TENM2: variants seen among roughly 807,000 people sequenced by gnomAD.
TENM2 encodes the protein teneurin transmembrane protein 2, also known as teneurin-2.
A neutral mutation model predicts 245.2 loss-of-function variants in TENM2; 52 were observed. That is an observed-to-expected ratio of 0.21 (90% CI 0.17 to 0.27). The LOEUF is 0.27. Among genes scored for constraint, TENM2 ranks in the 10% least tolerant of loss-of-function variants. The pLI, the probability that TENM2 is intolerant of heterozygous loss-of-function variation, is 1.00. For synonymous variants in TENM2, 1,363 were observed against 1,438.9 expected (o/e 0.95, Z 1.19); for missense variants, 3,046 against 3,666.8 (o/e 0.83, Z 4.37).
chr5:167,730,743 C>A (rs1689481364), intron 2 of TENM2, among the ~76,000 whole-genome samples: 1 of 152,008 alleles, frequency 6.6e-6, no homozygotes, highest in African/African-American at 2.4e-5. Context: ...TTTTTTATTG[C>A]TGGAACTGAA....
chr5:167,647,706 A>T (rs960515588), intron 2 of TENM2, among the ~76,000 whole-genome samples: 1 of 152,158 alleles, frequency 6.6e-6, no homozygotes, highest in African/African-American at 2.4e-5. Flanking sequence ...AGGGGCAAAC[A>T]TTCTCAAGGA....
intron 2 of TENM2, among the ~76,000 whole-genome samples, chr5:167,848,404 A>G (rs906542912): frequency 1.4e-4 from 21 of 152,216 alleles, no homozygotes; most frequent in Non-Finnish European, 2.4e-4. Flanking sequence ...AAATTCAATT[A>G]AAAGAAAAAA....
chr5:167,302,562 G>A (rs1398378423), intron 1 of TENM2, among the ~76,000 whole-genome samples: 2 of 151,744 alleles, frequency 1.3e-5, no homozygotes, highest in South Asian at 2.1e-4. Context: ...AGAGGTCGGG[G>A]CGTGGAAATA....
At chr5:167,947,617 G>A (rs1779736896) in intron 3 of TENM2, among the ~76,000 whole-genome samples, 1 of 152,172 alleles carries the variant, frequency 6.6e-6, no homozygotes, top group Non-Finnish European at 1.5e-5. Context: ...TGAACAGGGT[G>A]TCCTGGTGCC....
At chr5:168,234,241 A>G (rs893094645) in intron 25 of TENM2, among the ~76,000 whole-genome samples, 1 of 152,130 alleles carries the variant, frequency 6.6e-6, no homozygotes, top group African/African-American at 2.4e-5. Flanking sequence ...AAAGGAAGGT[A>G]TCTCCCCCAG....
At chr5:167,734,490 T>C (rs1450680373) in intron 2 of TENM2, among the ~76,000 whole-genome samples, 1 of 148,422 alleles carries the variant, frequency 6.7e-6, no homozygotes, top group Non-Finnish European at 1.5e-5. Flanking sequence ...ATATGCAATA[T>C]ATTATATATA....
At chr5:168,069,049 C>A (rs958416224) in intron 7 of TENM2, among the ~76,000 whole-genome samples, 1 of 142,198 alleles carries the variant, frequency 7.0e-6, no homozygotes, top group Non-Finnish European at 1.5e-5. Flanking sequence ...TGCACCCAAG[C>A]TTTGAAACTC....
At chr5:167,141,981 A>G in the TENM2 span, among the ~76,000 whole-genome samples, 33,764 of 152,040 alleles carry the variant, frequency 0.22, 5,813 homozygotes, top group African/African-American at 0.47. Context: ...ATCATTATCA[A>G]TGACAAGTAG....
chr5:167,360,971 T>G (rs996626972), intron 1 of TENM2, among the ~76,000 whole-genome samples: 2 of 152,194 alleles, frequency 1.3e-5, no homozygotes, highest in East Asian at 3.9e-4. Context: ...AGTATATCAG[T>G]CATATTGTGA....
chr5:167,928,761 T>C (rs1171256145), intron 3 of TENM2, among the ~76,000 whole-genome samples: 2 of 150,260 alleles, frequency 1.3e-5, no homozygotes, highest in African/African-American at 2.4e-5. Flanking sequence ...CTAGATGTGG[T>C]GGTGCGTGCC....
At chr5:168,241,204 A>G (rs939255489) in intron 25 of TENM2, 3 of 152,004 alleles carry the variant, frequency 2.0e-5, no homozygotes, top group African/African-American at 7.2e-5. Flanking sequence ...CCAAGAACTC[A>G]CCACCTTTAT....
intron 3 of TENM2, among the ~76,000 whole-genome samples, chr5:167,933,668 GAA>G: frequency 6.9e-6 from 1 of 144,516 alleles, no homozygotes; most frequent in African/African-American, 2.5e-5. Context: ...AATAAATTGT[GAA>G]AAAAAAAAAG....
chr5:167,566,789 G>T (rs780028519), intron 2 of TENM2, among the ~76,000 whole-genome samples: 1 of 152,040 alleles, frequency 6.6e-6, no homozygotes, highest in Non-Finnish European at 1.5e-5. Flanking sequence ...AACTCTATTC[G>T]GTCCACCATG....
At chr5:167,078,716 T>G in the TENM2 span, among the ~76,000 whole-genome samples, 1 of 152,188 alleles carries the variant, frequency 6.6e-6, no homozygotes, top group African/African-American at 2.4e-5. Context: ...CACAACATTT[T>G]CATCAAAAAA....
chr5:167,244,566 C>G, the TENM2 span, among the ~76,000 whole-genome samples: 4 of 152,174 alleles, frequency 2.6e-5, no homozygotes, highest in Non-Finnish European at 5.9e-5. Context: ...GTAAGTGTAG[C>G]CTCCAAGGAA....
the TENM2 span, among the ~76,000 whole-genome samples, chr5:167,187,639 A>G: frequency 1.3e-5 from 2 of 152,096 alleles, no homozygotes; most frequent in Non-Finnish European, 2.9e-5. Flanking sequence ...CAGTCCCATC[A>G]GCATTAGCTA....
intron 3 of TENM2, among the ~76,000 whole-genome samples, chr5:167,890,029 G>A (rs1045828859): frequency 6.6e-6 from 1 of 152,054 alleles, no homozygotes; most frequent in African/African-American, 2.4e-5. Context: ...AGAAAGAAAC[G>A]GCCCTGATAT....
At chr5:168,016,275 C>A (rs993781919) in intron 5 of TENM2, among the ~76,000 whole-genome samples, 4 of 152,178 alleles carry the variant, frequency 2.6e-5, no homozygotes, top group South Asian at 2.1e-4. Flanking sequence ...AATGAAACAC[C>A]CGTGCACTGA....
At chr5:167,751,441 G>A (rs1049667738) in intron 2 of TENM2, among the ~76,000 whole-genome samples, 2 of 152,116 alleles carry the variant, frequency 1.3e-5, no homozygotes, top group African/African-American at 4.8e-5. Flanking sequence ...TTGTCTTTTG[G>A]GAGTTTACAA....
Sources: gnomAD v4.1 joint callset for allele counts (sites outside exome capture counted in the v4.1 genomes callset) on GRCh38, gnomAD v4.1.1 for gene constraint, MANE v1.5 for transcripts, NCBI Gene and HGNC (gene_info 2026-07-23, HGNC 2026-07-21) for gene names.